SLCO3A1: variants seen among roughly 807,000 people sequenced by gnomAD.
SLCO3A1 encodes solute carrier organic anion transporter family member 3A1.
A neutral mutation model predicts 63.1 loss-of-function variants in SLCO3A1; 27 were observed. The ratio of observed to expected loss-of-function variants is 0.43; its 90% CI spans 0.32 to 0.59. SLCO3A1 has a LOEUF of 0.59. Ranked by LOEUF, SLCO3A1 falls within the 20% of genes least tolerant of loss-of-function variation. SLCO3A1 has a pLI of 0.09. For synonymous variants in SLCO3A1, 473 were observed against 409.9 expected (o/e 1.15, Z -1.86); for missense variants, 773 against 945.8 (o/e 0.82, Z 2.40).
At chr15:91,992,396 G>C (rs960163299) in intron 2 of SLCO3A1, among the ~76,000 whole-genome samples, 46 of 152,296 alleles carry the variant, frequency 3.0e-4, no homozygotes, top group African/African-American at 1.1e-3. Flanking sequence ...TATCAGCTCT[G>C]ACCTCGTGAA....
intron 3 of SLCO3A1, among the ~76,000 whole-genome samples, chr15:92,096,682 C>CA (rs1459158152): frequency 1.3e-5 from 2 of 152,166 alleles, no homozygotes; most frequent in Non-Finnish European, 2.9e-5. Context: ...TTTACTAATT[C>CA]ACCCCAAAGA....
intron 4 of SLCO3A1, among the ~76,000 whole-genome samples, chr15:92,119,025 G>T (rs1039941796): frequency 4.6e-5 from 7 of 152,136 alleles, no homozygotes. Context: ...ATGAAACCAC[G>T]CATTCGATGT....
chr15:92,099,546 G>A (rs925651537), intron 3 of SLCO3A1, among the ~76,000 whole-genome samples: 24 of 152,236 alleles, frequency 1.6e-4, no homozygotes, highest in African/African-American at 2.6e-4. Context: ...CCTCATGAGC[G>A]TGTGGGTGGG....
intron 2 of SLCO3A1, among the ~76,000 whole-genome samples, chr15:91,969,649 A>C (rs1020290134): frequency 9.9e-5 from 15 of 152,150 alleles, no homozygotes; most frequent in Admixed American, 9.2e-4. Flanking sequence ...AAACATTACC[A>C]AAATCTCCTT....
At chr15:92,140,445 G>A (rs1392994863) in intron 7 of SLCO3A1, among the ~76,000 whole-genome samples, 4 of 151,336 alleles carry the variant, frequency 2.6e-5, no homozygotes, top group Admixed American at 6.6e-5. Context: ...TGAAAAAAAC[G>A]TATATTCTGT....
rs755874810 is a variant in SLCO3A1, at chr15:91,916,036, G to C, written c.224G>C (p.Ser75Thr). Residue 75 changes from serine to threonine, a missense_variant, in exon 2 of 10, where the codon AGC (serine) becomes ACC (threonine). Coordinates refer to ENST00000318445, the MANE Select transcript of SLCO3A1 (RefSeq NM_013272.4). The surrounding 1 kb of genome is among the most constrained non-coding windows in gnomAD (Gnocchi z 6.2). ...TTLERRFNLQ[S>T]ADVGVIASSF... ...CTGGAGCGTAGGTTCAACCTGCAGA[G>C]CGCTGACGTGGGTGTGATCGCTAGC... is the stretch of plus-strand genomic sequence containing the variant. The C allele has an allele frequency of 1.9e-6, 3 of 1,613,500 alleles. No individual in the cohort carries two copies. The highest frequency in any genetic ancestry group is 2.5e-6 in the Non-Finnish European group (3 of 1,179,990).
intron 2 of SLCO3A1, among the ~76,000 whole-genome samples, chr15:92,053,469 G>C (rs902635288): frequency 4.6e-5 from 7 of 152,100 alleles, no homozygotes; most frequent in African/African-American, 1.4e-4. Flanking sequence ...ATTTTATTCA[G>C]ATGCGTGTAG....
chr15:92,000,165 A>G (rs536469164), intron 2 of SLCO3A1, among the ~76,000 whole-genome samples: 2 of 152,258 alleles, frequency 1.3e-5, no homozygotes, highest in Admixed American at 1.3e-4. Context: ...CATATATATG[A>G]TTTTATATAT....
chr15:92,123,201 G>A (rs1413840950), intron 5 of SLCO3A1, among the ~76,000 whole-genome samples: 1 of 152,120 alleles, frequency 6.6e-6, no homozygotes, highest in Non-Finnish European at 1.5e-5. Context: ...GAGGTGGGTG[G>A]ATCACCTGAG....
chr15:91,981,076 C>G (rs572770810), intron 2 of SLCO3A1, among the ~76,000 whole-genome samples: 1 of 152,310 alleles, frequency 6.6e-6, no homozygotes, highest in Non-Finnish European at 1.5e-5. Context: ...GAGCAAGTTG[C>G]CTCCCCCTTA....
chr15:92,170,337 C>T (rs1346026102), downstream of SLCO3A1, among the ~76,000 whole-genome samples: 11 of 152,304 alleles, frequency 7.2e-5, no homozygotes, highest in East Asian at 1.5e-3. Context: ...TTTTATTAAG[C>T]ACCTGCTACC....
In SLCO3A1 at chr15:91,854,415, G is replaced by C; in HGVS notation, c.180+327G>C. On this transcript the variant is annotated intron_variant, in intron 1 of 9. Coordinates refer to ENST00000318445, the MANE Select transcript of SLCO3A1 (RefSeq NM_013272.4). This position sits in a 1 kb window ranked among gnomAD's most constrained non-coding sequence, Gnocchi z 6.4. ...CCATAAGAGCGGAGCGAGACGGTGA[G>C]TTCAGGGTTCTCCTTGGAGAGGAAC... 9.8e-7 allele frequency: 1 copy of C among 1,023,442 alleles called. No homozygotes were observed. The highest frequency in any genetic ancestry group is 4.6e-5 in the South Asian group (1 of 21,730). 63.4% of individuals were successfully genotyped at this position (1,023,442 alleles called of 1,614,324 possible).
chr15:92,162,788 G>A lies in SLCO3A1; in HGVS notation c.1786G>A (p.Gly596Ser), dbSNP rs1406882460. The A allele has an allele frequency of 1.9e-6, 3 of 1,613,798 alleles. No homozygotes were observed. The highest frequency in any genetic ancestry group is 1.3e-5 in the African/African-American group (1 of 74,886). ...CCCTCCACCCCTCATCTTCGGGGCTGGCATCGACTCCACCTGCCTGTTCTG... is the reference window on the plus strand; with the variant it reads ...CCCTCCACCCCTCATCTTCGGGGCTAGCATCGACTCCACCTGCCTGTTCTG... ...FIPPPLIFGA[G>S]IDSTCLFWST... The change falls in exon 10 of 10, where the codon GGC becomes AGC. Residue 596 changes from glycine to serine, a missense_variant. By Grantham distance (56) the Gly-to-Ser change is moderately conservative (BLOSUM62 0). Coordinates refer to ENST00000318445, the MANE Select transcript of SLCO3A1 (RefSeq NM_013272.4).
At chr15:91,999,401 G>GA (rs1567059358) in intron 2 of SLCO3A1, among the ~76,000 whole-genome samples, 2 of 152,180 alleles carry the variant, frequency 1.3e-5, no homozygotes, top group South Asian at 2.1e-4. Flanking sequence ...CTAAAAATTA[G>GA]AAAAAAGGCT....
chr15:91,995,017 C>A (rs1175780093), intron 2 of SLCO3A1, among the ~76,000 whole-genome samples: 2 of 152,172 alleles, frequency 1.3e-5, no homozygotes, highest in African/African-American at 2.4e-5. Flanking sequence ...CATCTCCTGG[C>A]CTTCATTGTT....
intron 1 of SLCO3A1, among the ~76,000 whole-genome samples, chr15:91,898,182 C>T (rs568770214): frequency 6.6e-6 from 1 of 152,188 alleles, no homozygotes; most frequent in South Asian, 2.1e-4. Context: ...CACTGGTGCA[C>T]ACAGCAACAT....
intron 2 of SLCO3A1, among the ~76,000 whole-genome samples, chr15:91,923,611 G>A (rs1445979758): frequency 6.6e-6 from 1 of 152,152 alleles, no homozygotes; most frequent in Admixed American, 6.5e-5. Flanking sequence ...AAGCATATTA[G>A]CTCAATTTTC....
At chr15:91,871,397 G>A (rs1897275392) in intron 1 of SLCO3A1, among the ~76,000 whole-genome samples, 1 of 152,154 alleles carries the variant, frequency 6.6e-6, no homozygotes, top group South Asian at 2.1e-4. Context: ...ACACCCTCTG[G>A]CAGTATTCTG....
At chr15:92,099,110 A>G (rs1450930892) in intron 3 of SLCO3A1, among the ~76,000 whole-genome samples, 2 of 152,190 alleles carry the variant, frequency 1.3e-5, no homozygotes, top group African/African-American at 2.4e-5. Flanking sequence ...ATCCATGCAG[A>G]CTTGTCCTGA....
Sources: allele counts gnomAD v4.1 joint callset (sites outside exome capture counted in the v4.1 genomes callset), GRCh38; gene constraint gnomAD v4.1.1; non-coding constraint Gnocchi (gnomAD v3.1); transcripts MANE v1.5; gene names NCBI Gene and HGNC (gene_info 2026-07-23, HGNC 2026-07-21).